ANTXR1: variants seen among roughly 807,000 people sequenced by gnomAD.
ANTXR1 encodes the protein anthrax toxin receptor 1.
Under a neutral mutation model 78.1 loss-of-function variants are expected in ANTXR1, and 19 were observed. That is an observed-to-expected ratio of 0.24 (90% CI 0.17 to 0.36). The LOEUF is 0.36. ANTXR1 is among the 10% of genes least tolerant of loss of function. ANTXR1 has a pLI of 1.00. For synonymous variants in ANTXR1, 273 were observed against 260.5 expected (o/e 1.05, Z -0.46); for missense variants, 518 against 718.6 (o/e 0.72, Z 3.19).
At chr2:69,219,849 C>T (rs1289225303) in intron 17 of ANTXR1, among the ~76,000 whole-genome samples, 1 of 152,154 alleles carries the variant, frequency 6.6e-6, no homozygotes, top group Non-Finnish European at 1.5e-5. Flanking sequence ...CAGACTCCTC[C>T]ACCATCAGAA....
At chr2:69,182,911 A>G (rs1674314272) in intron 16 of ANTXR1, 1 of 541,260 alleles carries the variant, frequency 1.8e-6, no homozygotes, top group Non-Finnish European at 3.3e-6. Context: ...GTAAAACTGG[A>G]ACAATATAGA....
intron 12 of ANTXR1, among the ~76,000 whole-genome samples, chr2:69,133,037 C>T (rs576853798): frequency 1.9e-4 from 29 of 152,314 alleles, no homozygotes; most frequent in Admixed American, 5.9e-4. Flanking sequence ...ACAAACATGG[C>T]ACGCTCTGAG....
chr2:69,103,009 C>G (rs1219453177), intron 10 of ANTXR1, 69 bp downstream of exon 10: 1 of 1,446,628 alleles, frequency 6.9e-7, no homozygotes. Flanking sequence ...CCACCCTTGT[C>G]TTCCAGCAAG....
chr2:69,132,719 T>G (rs568627825), intron 12 of ANTXR1, among the ~76,000 whole-genome samples: 1 of 152,366 alleles, frequency 6.6e-6, no homozygotes, highest in South Asian at 2.1e-4. Context: ...CAGTGCTTTA[T>G]GCATGTGGGC....
chr2:69,103,043 A>G (rs769053397), intron 10 of ANTXR1, 103 bp downstream of exon 10: 11 of 1,193,734 alleles, frequency 9.2e-6, no homozygotes, highest in Admixed American at 1.7e-5. Context: ...AACCAGCAGA[A>G]AAGAGTCTTA....
At chr2:69,184,658 G>A (rs527306508) in intron 16 of ANTXR1, among the ~76,000 whole-genome samples, 22 of 151,992 alleles carry the variant, frequency 1.4e-4, no homozygotes, top group East Asian at 9.6e-4. Context: ...ATTGACTGGC[G>A]GTTTAGGACT....
chr2:69,176,360 C>A (rs1674118474), intron 14 of ANTXR1, among the ~76,000 whole-genome samples: 1 of 152,102 alleles, frequency 6.6e-6, no homozygotes, highest in South Asian at 2.1e-4. Flanking sequence ...TATTTACAAA[C>A]AGAAGTATTG....
intron 17 of ANTXR1, among the ~76,000 whole-genome samples, chr2:69,221,000 T>C (rs1402628168): frequency 1.3e-5 from 2 of 152,236 alleles, no homozygotes; most frequent in Non-Finnish European, 2.9e-5. Flanking sequence ...ATTTAAGGAA[T>C]AGAGGAGATG....
At chr2:69,160,526 C>G (rs1430073045) in intron 13 of ANTXR1, among the ~76,000 whole-genome samples, 3 of 152,100 alleles carry the variant, frequency 2.0e-5, no homozygotes, top group African/African-American at 7.2e-5. Flanking sequence ...ATTCCCTGGT[C>G]TGTGGTTTTC....
At chr2:69,064,342 GTCCT>G (rs140539350) in intron 3 of ANTXR1, among the ~76,000 whole-genome samples, 10,570 of 152,132 alleles carry the variant, frequency 0.069, 723 homozygotes, top group East Asian at 0.24. Context: ...TCTCAATATG[GTCCT>G]TCCTTCTCAA....
chr2:69,148,126 G>A (rs763650530), intron 12 of ANTXR1, among the ~76,000 whole-genome samples: 8 of 152,110 alleles, frequency 5.3e-5, no homozygotes, highest in Admixed American at 3.3e-4. Flanking sequence ...ATCTGATCAC[G>A]ATGCCCCAGT....
intron 17 of ANTXR1, among the ~76,000 whole-genome samples, chr2:69,213,462 G>A (rs1675099019): frequency 1.3e-5 from 2 of 152,186 alleles, no homozygotes; most frequent in Non-Finnish European, 2.9e-5. Flanking sequence ...TTCCTAAAGG[G>A]ACCAGAGCTT....
intron 12 of ANTXR1, among the ~76,000 whole-genome samples, chr2:69,124,945 G>A (rs925863589): frequency 6.6e-6 from 1 of 152,146 alleles, no homozygotes; most frequent in African/African-American, 2.4e-5. Flanking sequence ...CAGTAATGAG[G>A]GTGGAGTCCC....
At chr2:69,153,753 G>A (rs1015579578) in intron 13 of ANTXR1, among the ~76,000 whole-genome samples, 1 of 152,190 alleles carries the variant, frequency 6.6e-6, no homozygotes, top group Non-Finnish European at 1.5e-5. Context: ...GGCAGGCCTG[G>A]TAGCAGCAGG....
At position 69,246,555 on chromosome 2, in the gene ANTXR1, T is replaced by C. The variant is rs1475225563; in HGVS notation, c.*1070T>C. 6.6e-6 allele frequency: 1 copy of C among 152,192 alleles called. No homozygotes were observed. The highest frequency in any genetic ancestry group is 2.4e-5 in the African/African-American group (1 of 41,438). The allele number at this position is 152,192 out of a possible 1,614,324, so 9.4% of individuals were successfully genotyped here. The stretch of plus-strand genomic sequence containing the variant: ...GAGCTGAGAGACAATGGTCCTGACA[T>C]AATAAGGATCTTTGATTAACCCCCA... On this transcript the variant is annotated 3_prime_UTR_variant, in exon 18 of 18. Transcript: ENST00000303714.
chr2:69,128,101 G>T (rs150619142), intron 12 of ANTXR1, among the ~76,000 whole-genome samples: 3 of 152,018 alleles, frequency 2.0e-5, no homozygotes, highest in Admixed American at 6.5e-5. Context: ...GCACATGCCT[G>T]TAGTCCCAGC....
chr2:69,088,068 T>C (rs1558532409), intron 8 of ANTXR1, among the ~76,000 whole-genome samples: 1 of 152,360 alleles, frequency 6.6e-6, no homozygotes, highest in South Asian at 2.1e-4. Flanking sequence ...CTGGATTGAA[T>C]CACAGTGCTT....
intron 8 of ANTXR1, among the ~76,000 whole-genome samples, chr2:69,084,592 T>TG (rs1491470788): frequency 5.2e-4 from 1 of 1,918 alleles, no homozygotes; most frequent in African/African-American, 3.1e-3. Context: ...ATTTGTAAAG[T>TG]TTTTTTTTTT....
chr2:69,077,982 C>T (rs77108750), intron 8 of ANTXR1, among the ~76,000 whole-genome samples: 1,570 of 152,320 alleles, frequency 0.01, 15 homozygotes, highest in Non-Finnish European at 0.017. Flanking sequence ...TCAAGAGTTT[C>T]TTTAACTCTC....
Sources: gnomAD v4.1 joint callset for allele counts (sites outside exome capture counted in the v4.1 genomes callset) on GRCh38, gnomAD v4.1.1 for gene constraint, MANE v1.5 for transcripts, NCBI Gene and HGNC (gene_info 2026-07-23, HGNC 2026-07-21) for gene names.